Variants in MARK3 observed in about 807,000 individuals in gnomAD.
MARK3 encodes the protein MAP/microtubule affinity-regulating kinase 3.
A neutral mutation model predicts 90.1 loss-of-function variants in MARK3; 46 were observed. That is an observed-to-expected ratio of 0.51 (90% confidence interval 0.40 to 0.65). MARK3 has a LOEUF of 0.65. Ranked by LOEUF, MARK3 falls within the 30% of genes least tolerant of loss-of-function variation. MARK3 has a pLI of 0.00. For synonymous variants in MARK3, 321 were observed against 332.6 expected (o/e 0.97, Z 0.38); for missense variants, 818 against 947.2 (o/e 0.86, Z 1.79).
At chr14:103,399,106 AT>A (rs765215154) in intron 1 of MARK3, among the ~76,000 whole-genome samples, 152 of 152,324 alleles carry the variant, frequency 1.0e-3, no homozygotes, top group Middle Eastern at 3.4e-3. Context: ...GGGCAAAACT[AT>A]TCTGGAACCA....
At position 103,480,237 on chromosome 14, in the gene MARK3, T is replaced by C. The variant is rs192295258; in HGVS notation, c.1483-150T>C. Reference sequence around the variant, plus strand: ...GGAGGCAGAGCCAAGATTGCTCCACTGCACTCCAGCCTGGGTGACAGAGTA... The same window carrying C: ...GGAGGCAGAGCCAAGATTGCTCCACCGCACTCCAGCCTGGGTGACAGAGTA... On this transcript the variant is annotated intron_variant, in intron 13 of 17. Coordinates refer to ENST00000429436, the MANE Select transcript of MARK3 (RefSeq NM_001128918.3). The C allele has an allele frequency of 5.8e-6, 3 of 517,270 alleles. No homozygotes were observed. In the African/African-American group the frequency reaches 5.9e-5, roughly 10 times the overall value. 32.0% of individuals were successfully genotyped at this position (517,270 alleles called of 1,614,324 possible).
At chr14:103,446,378 T>C (rs1355203670) in intron 3 of MARK3, among the ~76,000 whole-genome samples, 7 of 151,940 alleles carry the variant, frequency 4.6e-5, no homozygotes, top group African/African-American at 1.7e-4. Flanking sequence ...ATACAAAAAT[T>C]AGCCAGGCAT....
chr14:103,435,392 A>G (rs1202826965), intron 3 of MARK3, among the ~76,000 whole-genome samples: 2 of 150,228 alleles, frequency 1.3e-5, no homozygotes, highest in Non-Finnish European at 3.0e-5. Context: ...TCTTCTTCCA[A>G]TTTTACTTAT....
intron 6 of MARK3, among the ~76,000 whole-genome samples, chr14:103,459,135 A>C (rs913317709): frequency 6.6e-6 from 1 of 152,140 alleles, no homozygotes; most frequent in African/African-American, 2.4e-5. Context: ...TTTGCTTCAT[A>C]CAATTTACAT....
At chr14:103,502,743 A>T (rs1020443786) in intron 17 of MARK3, 139 bp from the exon 18 acceptor site, 4 of 656,924 alleles carry the variant, frequency 6.1e-6, no homozygotes, top group African/African-American at 1.8e-5. Flanking sequence ...ACTTAGTTAC[A>T]AATGTGAGTC....
intron 2 of MARK3, among the ~76,000 whole-genome samples, chr14:103,413,202 G>A (rs1211262706): frequency 6.6e-6 from 1 of 152,086 alleles, no homozygotes; most frequent in East Asian, 1.9e-4. Context: ...TCAGGAATGT[G>A]CATGTGTCTC....
At chr14:103,404,886 T>C (rs1331738825) in intron 1 of MARK3, among the ~76,000 whole-genome samples, 190 bp from the exon 2 acceptor site, 2 of 152,192 alleles carry the variant, frequency 1.3e-5, no homozygotes, top group Non-Finnish European at 2.9e-5. Flanking sequence ...ACTTCAACAC[T>C]TCGTATTTTT....
At chr14:103,473,597 T>G (rs887526172) in intron 12 of MARK3, among the ~76,000 whole-genome samples, 2 of 152,222 alleles carry the variant, frequency 1.3e-5, no homozygotes, top group African/African-American at 4.8e-5. Context: ...AACCGAAAGC[T>G]TAGTTGTTGT....
chr14:103,466,160 A>G, intron 9 of MARK3, 69 bp downstream of exon 9: 1 of 1,557,834 alleles, frequency 6.4e-7, no homozygotes, highest in Non-Finnish European at 8.7e-7. Context: ...TCTTTGCTTG[A>G]TTTGTATGCC....
At chr14:103,399,544 A>G (rs1337156197) in intron 1 of MARK3, among the ~76,000 whole-genome samples, 1 of 151,846 alleles carries the variant, frequency 6.6e-6, no homozygotes, top group African/African-American at 2.4e-5. Context: ...AAAAATACGA[A>G]AAAAATTAGC....
chr14:103,445,297 ATG>A (rs1457114758), intron 3 of MARK3, among the ~76,000 whole-genome samples: 1 of 152,176 alleles, frequency 6.6e-6, no homozygotes, highest in Non-Finnish European at 1.5e-5. Flanking sequence ...AAGACTGTGA[ATG>A]TGAAGCATCT....
rs71126026 is a variant in MARK3, at chr14:103,452,471, C to CTTTTTTTTTTTTTTTTTTTTTTTTTTTTT, written c.412+506_412+507insTTTTTTTTTTTTTTTTTTTTTTTTTTTTT. On this transcript the variant is annotated intron_variant, in intron 5 of 17. Coordinates refer to ENST00000429436, the MANE Select transcript of MARK3 (RefSeq NM_001128918.3). ...ACAAGTGGAATTTTACAGGATTTGT[C>CTTTTTTTTTTTTTTTTTTTTTTTTTTTTT]TTTTTTTTTTTTTTTTTTGAGACGG... Among the ~76,000 whole-genome samples the CTTTTTTTTTTTTTTTTTTTTTTTTTTTTT allele has an allele frequency of 7.2e-5, 7 of 97,470 alleles. 1 individual carries two copies. Among genetic ancestry groups the CTTTTTTTTTTTTTTTTTTTTTTTTTTTTT allele is most frequent in the Non-Finnish European group, 1.3e-4 (6 of 44,460 alleles). The allele number at this position is 97,470 out of a possible 152,430, so 63.9% of individuals were successfully genotyped here.
At chr14:103,388,332 C>T (rs2089972378) in intron 1 of MARK3, among the ~76,000 whole-genome samples, 1 of 152,200 alleles carries the variant, frequency 6.6e-6, no homozygotes, top group Non-Finnish European at 1.5e-5. Flanking sequence ...TTAACTCTTG[C>T]ATTGGCATGT....
chr14:103,428,884 C>G (rs1344648703), intron 3 of MARK3, among the ~76,000 whole-genome samples: 1 of 152,134 alleles, frequency 6.6e-6, no homozygotes, highest in Non-Finnish European at 1.5e-5. Context: ...TGATTAAGGA[C>G]TGATGATTAA....
intron 1 of MARK3, among the ~76,000 whole-genome samples, chr14:103,387,111 G>A (rs1229689374): frequency 1.3e-5 from 2 of 152,208 alleles, no homozygotes; most frequent in East Asian, 1.9e-4. Flanking sequence ...TTGCTGGCAC[G>A]AAATGTCTTC....
intron 3 of MARK3, among the ~76,000 whole-genome samples, chr14:103,443,355 A>G (rs972579948): frequency 2.6e-5 from 4 of 152,234 alleles, no homozygotes; most frequent in African/African-American, 7.2e-5. Context: ...TTCAGAAACA[A>G]TGCTATTGAA....
intron 3 of MARK3, chr14:103,429,438 G>A (rs563727234): frequency 6.6e-6 from 1 of 152,328 alleles, no homozygotes; most frequent in African/African-American, 2.4e-5. Context: ...GCACAGTTGT[G>A]CGATATTTTG....
Position 103,428,576 on chromosome 14 carries a change from T to C in MARK3, c.297+136T>C, listed in dbSNP as rs2092482934. ...TTCCTATTCCTCAAATGAATGCAAC[T>C]TAATGTAGTATTTCATGAAAAATTG... On this transcript the variant is annotated intron_variant, in intron 3 of 17. Transcript: ENST00000429436. 4.9e-6 allele frequency: 3 copies of C among 606,820 alleles called. No homozygotes were observed. The East Asian group carries it at 9.9e-5, about 20-fold the overall frequency. 37.6% of individuals were successfully genotyped at this position (606,820 alleles called of 1,614,324 possible). A position where few individuals can be genotyped will look rare whatever the true frequency, so the allele number is the denominator to read the frequency against.
intron 2 of MARK3, among the ~76,000 whole-genome samples, chr14:103,419,756 A>G (rs1219405891): frequency 6.6e-6 from 1 of 152,212 alleles, no homozygotes; most frequent in Non-Finnish European, 1.5e-5. Flanking sequence ...ATTTTTATTC[A>G]AAACAACTGT....
Sources: gnomAD v4.1 joint callset for allele counts (sites outside exome capture counted in the v4.1 genomes callset) on GRCh38, gnomAD v4.1.1 for gene constraint, MANE v1.5 for transcripts, NCBI Gene and HGNC (gene_info 2026-07-23, HGNC 2026-07-21) for gene names.